Variants in ZNF846 observed in about 807,000 individuals in gnomAD.
The protein encoded by ZNF846 is zinc finger protein 846.
ZNF846 carries 15 observed loss-of-function variants against 16.0 expected under a neutral mutation model. The ratio of observed to expected loss-of-function variants is 0.94; its 90% CI spans 0.63 to 1.45. The LOEUF is 1.45. Among genes scored for constraint, ZNF846 ranks in the 40% most tolerant of loss-of-function variants. The pLI, the probability that ZNF846 is intolerant of heterozygous loss-of-function variation, is 0.00. For missense variants in ZNF846, 714 were observed against 622.3 expected (o/e 1.15, Z -1.57); for synonymous variants, 229 against 212.0 (o/e 1.08, Z -0.70).
intron 4 of ZNF846, 151 bp downstream of exon 4, chr19:9,761,931 G>C: frequency 1.7e-6 from 1 of 574,426 alleles, no homozygotes; most frequent in South Asian, 2.4e-5. Context: ...GATGAGGGGA[G>C]TTGAAAGTAT....
In ZNF846 at chr19:9,758,313, A is replaced by C. The variant is rs1251393156; in HGVS notation, c.764T>G (p.Val255Gly). ...GAAAGCTTTACCACATTCTTTACAG[A>C]CATAGGGCTTCTCTCCACTGTGAAT... is the stretch of plus-strand genomic sequence containing the variant. Residue 255 changes from valine (V) to glycine (G), a missense_variant, in exon 6 of 6, where the codon GTC becomes GGC. Val to Gly is a moderately radical substitution (Grantham distance 109). Transcript: ENST00000397902. 43 of 1,613,046 alleles carry C rather than the reference A, an allele frequency of 2.7e-5. No homozygotes were observed. In the Admixed American group the frequency reaches 7.2e-4, roughly 27 times the overall value.
At chr19:9,757,509 T>G (rs1159446253) in exon 6 of ZNF846, 1 of 1,605,258 alleles carries the variant, frequency 6.2e-7, no homozygotes, top group Non-Finnish European at 8.5e-7. Flanking sequence ...TCTTAGATGT[T>G]TAGCAAGTGC....
intron 1 of ZNF846, among the ~76,000 whole-genome samples, chr19:9,779,746 A>ATTG (rs2045481931): frequency 6.6e-6 from 1 of 151,204 alleles, no homozygotes; most frequent in Non-Finnish European, 1.5e-5. Context: ...AATTTTTTGT[A>ATTG]TTGTTAGTAG....
chr19:9,785,421 C>T (rs997217566), intron 1 of ZNF846, among the ~76,000 whole-genome samples: 5 of 151,858 alleles, frequency 3.3e-5, no homozygotes, highest in East Asian at 1.9e-4. Context: ...TGGTCTTAAT[C>T]GATTGCCCTC....
downstream of ZNF846, among the ~76,000 whole-genome samples, chr19:9,754,564 T>TAAAAAAA (rs545236944): frequency 2.5e-4 from 22 of 88,692 alleles, no homozygotes; most frequent in African/African-American, 9.3e-4. Flanking sequence ...GACTCTGTCT[T>TAAAAAAA]AAAAAAAAAA....
chr19:9,752,331 G>A, exon 6 of ZNF846: 1 of 198,394 alleles, frequency 5.0e-6, no homozygotes, highest in Admixed American at 4.9e-5. Flanking sequence ...TTCAAGGGCG[G>A]GTGTGGTGGC....
intron 1 of ZNF846, among the ~76,000 whole-genome samples, chr19:9,776,071 G>A (rs1293002913): frequency 6.6e-6 from 1 of 152,234 alleles, no homozygotes; most frequent in African/African-American, 2.4e-5. Context: ...CACCAGAAGG[G>A]CTCCTTGGTC....
At chr19:9,756,339 GTGTGTGTATATATATATA>G (rs1229306973), downstream of ZNF846, 1 of 63,382 alleles carries the variant, frequency 1.6e-5, no homozygotes, top group African/African-American at 8.8e-5. Context: ...GTGTGTGTGT[GTGTGTGTATATATATATA>G]TATATATATA....
At chr19:9,778,061 T>C (rs970359344) in intron 1 of ZNF846, among the ~76,000 whole-genome samples, 1 of 151,992 alleles carries the variant, frequency 6.6e-6, no homozygotes, top group African/African-American at 2.4e-5. Flanking sequence ...GTATGGCCCA[T>C]TCAAAGAAAA....
upstream of ZNF846, among the ~76,000 whole-genome samples, chr19:9,772,944 CA>C (rs1216223976): frequency 6.6e-6 from 1 of 151,980 alleles, no homozygotes; most frequent in Non-Finnish European, 1.5e-5. Context: ...TGTGTGATCT[CA>C]GCTACTCAGG....
At chr19:9,770,037 T>A (rs1599396970), upstream of ZNF846, among the ~76,000 whole-genome samples, 1 of 151,870 alleles carries the variant, frequency 6.6e-6, no homozygotes, top group Admixed American at 6.6e-5. Flanking sequence ...GTGCCTCTGA[T>A]ACATTCAGTT....
At chr19:9,766,835 G>C (rs933763163) in intron 1 of ZNF846, among the ~76,000 whole-genome samples, 4 of 150,866 alleles carry the variant, frequency 2.7e-5, no homozygotes, top group African/African-American at 9.8e-5. Context: ...GGGAGGTGGA[G>C]GTTGCAGTGA....
At chr19:9,774,975 G>C in intron 1 of ZNF846, 4 of 1,607,536 alleles carry the variant, frequency 2.5e-6, no homozygotes, top group African/African-American at 1.3e-5. Flanking sequence ...TGCCACGATT[G>C]GTTCCAGCAA....
chr19:9,750,740 A>G (rs1404788966), downstream of ZNF846, among the ~76,000 whole-genome samples: 1 of 152,176 alleles, frequency 6.6e-6, no homozygotes, highest in African/African-American at 2.4e-5. Context: ...AATAGCAGCT[A>G]TCTCAACCTC....
In ZNF846 at chr19:9,757,917, G is replaced by T. The variant is rs2045158251; in HGVS notation, c.1160C>A (p.Thr387Lys). Reference sequence around the variant, plus strand: ...TTCATAGGGCTTTTCTCCAGTATGTGTTCTCATGTGTAAAACAAGTCCTGA... The same window carrying T: ...TTCATAGGGCTTTTCTCCAGTATGTTTTCTCATGTGTAAAACAAGTCCTGA... Residue 387 changes from threonine (T) to lysine (K), a missense_variant, in exon 6 of 6, where the codon ACA (threonine) becomes AAA (lysine). Thr to Lys is a moderately conservative substitution (Grantham distance 78). Transcript: ENST00000397902. The T allele has an allele frequency of 1.9e-6, 3 of 1,613,376 alleles. No individual in the cohort carries two copies. The South Asian group carries it at 3.3e-5, about 18-fold the overall frequency.
At chr19:9,776,198 C>T (rs1273974145) in intron 1 of ZNF846, among the ~76,000 whole-genome samples, 1 of 152,212 alleles carries the variant, frequency 6.6e-6, no homozygotes, top group Non-Finnish European at 1.5e-5. Context: ...AAGGGAGTCT[C>T]CTTTTCCCCG....
At chr19:9,779,073 TTC>T (rs1411591108) in intron 1 of ZNF846, among the ~76,000 whole-genome samples, 1 of 152,188 alleles carries the variant, frequency 6.6e-6, no homozygotes, top group Non-Finnish European at 1.5e-5. Context: ...CATAATATTT[TTC>T]ATTTGTAAAA....
intron 1 of ZNF846, among the ~76,000 whole-genome samples, chr19:9,765,993 A>G (rs1029963297): frequency 6.6e-6 from 1 of 152,160 alleles, no homozygotes; most frequent in African/African-American, 2.4e-5. Flanking sequence ...ACTCTAGTTG[A>G]CTTTGCCTAG....
chr19:9,757,764 C>T (rs1568320998), exon 6 of ZNF846: 1 of 1,613,378 alleles, frequency 6.2e-7, no homozygotes, highest in Non-Finnish European at 8.5e-7. Flanking sequence ...TAAATGGGTA[C>T]TAAGGCCCGA....
Sources: gnomAD v4.1 joint callset for allele counts (sites outside exome capture counted in the v4.1 genomes callset) on GRCh38, gnomAD v4.1.1 for gene constraint, MANE v1.5 for transcripts, NCBI Gene and HGNC (gene_info 2026-07-23, HGNC 2026-07-21) for gene names.